Variants in PDE10A observed in about 807,000 individuals in gnomAD.
PDE10A encodes the protein phosphodiesterase 10A, also known as cAMP and cAMP-inhibited cGMP 3',5'-cyclic phosphodiesterase 10A.
Under a neutral mutation model 97.7 loss-of-function variants are expected in PDE10A, and 39 were observed. The observed-to-expected ratio is 0.40, with a 90% CI of 0.31 to 0.52. The LOEUF (loss-of-function observed/expected upper bound fraction) is 0.52, where lower values mean the gene tolerates loss of function less well. Ranked by LOEUF, PDE10A falls within the 20% of genes least tolerant of loss-of-function variation. The probability of loss-of-function intolerance (pLI) is 0.56; values close to 1 mark genes in which losing one functional copy is unlikely to be tolerated. For missense variants in PDE10A, 731 were observed against 1,047.8 expected (o/e 0.70, Z 4.17); for synonymous variants, 371 against 376.8 (o/e 0.98, Z 0.18).
chr6:165,659,346 T>G lies in PDE10A; in HGVS notation c.865+2601A>C, dbSNP rs9459469. Among the ~76,000 whole-genome samples, 1,344 of 152,318 alleles carry G rather than the reference T, an allele frequency of 8.8e-3. 19 individuals carry two copies. Among genetic ancestry groups the G allele is most frequent in the African/African-American group, 0.03 (1,234 of 41,562 alleles). ...TATGCATTTGGCCATTCTAAAATTT[T>G]TAAAGAATCTAGAAATTCTTTTTCA... On this transcript the variant is annotated intron_variant, in intron 1 of 21. Transcript: ENST00000539869.
Position 165,831,639 on chromosome 6 carries a change from C to A in PDE10A, c.-615+155890G>T, listed in dbSNP as rs1256084103. The stretch of plus-strand genomic sequence containing the variant: ...ACTACGGACTACAGGCGCCCGCCAC[C>A]ACGCCCGGCTAATTTTTTGTATTTT... On this transcript the variant is annotated intron_variant, in intron 1 of 19. Transcript: ENST00000366882. Among the ~76,000 whole-genome samples, 4 of 151,718 alleles carry A rather than the reference C, an allele frequency of 2.6e-5. No homozygotes were observed. In the East Asian group the frequency reaches 8.0e-4, roughly 30 times the overall value.
At chr6:165,506,871 C>A (rs1055940680) in intron 2 of PDE10A, among the ~76,000 whole-genome samples, 1 of 152,142 alleles carries the variant, frequency 6.6e-6, no homozygotes, top group Non-Finnish European at 1.5e-5. Context: ...CTTATCTCTT[C>A]GCCCTACTTT....
At chr6:165,725,454 G>A (rs1000292269) in intron 1 of PDE10A, among the ~76,000 whole-genome samples, 4 of 152,184 alleles carry the variant, frequency 2.6e-5, no homozygotes, top group Non-Finnish European at 5.9e-5. Context: ...CCCCCTAGGG[G>A]TATGAGCAGT....
At chr6:165,758,913 A>C (rs1562721953) in intron 1 of PDE10A, among the ~76,000 whole-genome samples, 1 of 152,220 alleles carries the variant, frequency 6.6e-6, no homozygotes. Context: ...TGAAGTGTTG[A>C]AAAGCATGCA....
chr6:165,695,819 T>C (rs1562690130), intron 1 of PDE10A, among the ~76,000 whole-genome samples: 2 of 151,990 alleles, frequency 1.3e-5, no homozygotes, highest in East Asian at 3.9e-4. Context: ...CTGGCAGGAG[T>C]CCTCTTGAGG....
At chr6:165,624,557 T>C (rs746648712) in intron 1 of PDE10A, among the ~76,000 whole-genome samples, 5 of 152,194 alleles carry the variant, frequency 3.3e-5, no homozygotes, top group Non-Finnish European at 7.3e-5. Context: ...CTAATTCCAG[T>C]TCAAAATTCC....
chr6:165,473,197 A>C (rs1779110109), intron 3 of PDE10A, among the ~76,000 whole-genome samples: 1 of 152,212 alleles, frequency 6.6e-6, no homozygotes, highest in Non-Finnish European at 1.5e-5. Context: ...TAAAAAACAG[A>C]AATCAAAATA....
intron 1 of PDE10A, among the ~76,000 whole-genome samples, chr6:165,947,860 G>GA (rs1407541466): frequency 6.6e-6 from 1 of 152,052 alleles, no homozygotes; most frequent in African/African-American, 2.4e-5. Context: ...CCCCGACCTG[G>GA]AATTATCCAT....
chr6:165,554,968 A>T (rs1784180404), intron 1 of PDE10A, among the ~76,000 whole-genome samples: 1 of 152,174 alleles, frequency 6.6e-6, no homozygotes, highest in African/African-American at 2.4e-5. Flanking sequence ...TAAAAATTAA[A>T]ATAACTGCAC....
At chr6:165,527,391 C>T (rs1479618617) in intron 2 of PDE10A, among the ~76,000 whole-genome samples, 1 of 152,154 alleles carries the variant, frequency 6.6e-6, no homozygotes, top group African/African-American at 2.4e-5. Flanking sequence ...CCCAGCAGAT[C>T]CAATGGTGCT....
rs1023878991 is a variant in PDE10A, at chr6:165,976,751, G to A, written c.-615+10778C>T. Among the ~76,000 whole-genome samples, 8 of 152,260 alleles carry A rather than the reference G, an allele frequency of 5.3e-5. No individual in the cohort carries two copies. In the Middle Eastern group the frequency reaches 0.014, roughly 259 times the overall value. On this transcript the variant is annotated intron_variant, in intron 1 of 19. Coordinates refer to the PDE10A transcript ENST00000366882. ...GCACTAGACTCACACAGAGAGTCAC[G>A]TCTTCCACCACACACCACACCAGCT...
intron 1 of PDE10A, among the ~76,000 whole-genome samples, chr6:165,739,391 G>C (rs550407628): frequency 1.3e-5 from 2 of 152,260 alleles, no homozygotes; most frequent in East Asian, 3.9e-4. Flanking sequence ...ATGGGAGAAC[G>C]GACAGTGTCT....
At chr6:165,363,019 A>G (rs935863442) in intron 18 of PDE10A, among the ~76,000 whole-genome samples, 1 of 147,192 alleles carries the variant, frequency 6.8e-6, no homozygotes, top group African/African-American at 2.4e-5. Flanking sequence ...ACACCCATTC[A>G]CAATAAAAAA....
At chr6:165,536,693 A>G (rs1281939304) in intron 2 of PDE10A, among the ~76,000 whole-genome samples, 1 of 152,074 alleles carries the variant, frequency 6.6e-6, no homozygotes, top group Non-Finnish European at 1.5e-5. Context: ...CAACAGGTAT[A>G]TGAAAAAATG....
At chr6:165,490,815 T>G (rs1780184588) in intron 2 of PDE10A, among the ~76,000 whole-genome samples, 1 of 151,972 alleles carries the variant, frequency 6.6e-6, no homozygotes, top group Non-Finnish European at 1.5e-5. Context: ...ATTAGCTGAG[T>G]GTGGTGGCAT....
chr6:165,830,667 G>A (rs1001627056), intron 1 of PDE10A, among the ~76,000 whole-genome samples: 1 of 152,134 alleles, frequency 6.6e-6, no homozygotes, highest in Admixed American at 6.5e-5. Flanking sequence ...TTTATGTCTT[G>A]TCCTTCCATG....
At chr6:165,596,877 C>T (rs1023755006) in intron 1 of PDE10A, among the ~76,000 whole-genome samples, 1 of 152,146 alleles carries the variant, frequency 6.6e-6, no homozygotes, top group African/African-American at 2.4e-5. Flanking sequence ...GGCCGCCTTG[C>T]AGTGCCTCCA....
intron 1 of PDE10A, among the ~76,000 whole-genome samples, chr6:165,883,883 A>G (rs898643010): frequency 1.3e-5 from 2 of 152,148 alleles, no homozygotes; most frequent in Admixed American, 1.3e-4. Flanking sequence ...TTTGCTCAAT[A>G]AGCTCAAATA....
intron 1 of PDE10A, among the ~76,000 whole-genome samples, chr6:165,983,271 A>G (rs962088145): frequency 1.3e-5 from 2 of 152,232 alleles, no homozygotes; most frequent in Non-Finnish European, 2.9e-5. Flanking sequence ...TCCTACGTTC[A>G]TCAGCATAAG....
Sources: gnomAD v4.1 joint callset for allele counts (sites outside exome capture counted in the v4.1 genomes callset) on GRCh38, gnomAD v4.1.1 for gene constraint, MANE v1.5 for transcripts, NCBI Gene and HGNC (gene_info 2026-07-23, HGNC 2026-07-21) for gene names.